Variants in PYGO1 observed in about 807,000 individuals in gnomAD.
The protein encoded by PYGO1 is pygopus homolog 1.
A neutral mutation model predicts 29.5 loss-of-function variants in PYGO1; 6 were observed. That is an observed-to-expected ratio of 0.20 (90% CI 0.11 to 0.40). The LOEUF (loss-of-function observed/expected upper bound fraction) is 0.40, where lower values mean the gene tolerates loss of function less well. Among genes scored for constraint, PYGO1 ranks in the 10% least tolerant of loss-of-function variants. PYGO1 has a pLI of 1.00. For synonymous variants in PYGO1, 186 were observed against 180.5 expected (o/e 1.03, Z -0.24); for missense variants, 515 against 514.9 (o/e 1.00, Z 0.00).
intron 1 of PYGO1, among the ~76,000 whole-genome samples, chr15:55,583,433 GTCTT>G (rs1267979197): frequency 2.2e-4 from 33 of 147,724 alleles, no homozygotes; most frequent in South Asian, 1.1e-3. Context: ...TATTTGCTAT[GTCTT>G]TCTGTCTACC....
intron 1 of PYGO1, among the ~76,000 whole-genome samples, chr15:55,574,746 ATT>A (rs1196136054): frequency 2.0e-5 from 3 of 152,086 alleles, no homozygotes; most frequent in African/African-American, 7.2e-5. Context: ...AATGTCATTT[ATT>A]TTTTATCTAC....
intron 1 of PYGO1, among the ~76,000 whole-genome samples, chr15:55,569,231 GTGTT>G (rs759739986): frequency 6.6e-5 from 10 of 151,962 alleles, no homozygotes; most frequent in African/African-American, 9.6e-5. Context: ...TGATCCTAGG[GTGTT>G]TGTTTGTTTC....
At chr15:55,553,307 T>G (rs2058888287) in intron 1 of PYGO1, among the ~76,000 whole-genome samples, 1 of 152,132 alleles carries the variant, frequency 6.6e-6, no homozygotes, top group African/African-American at 2.4e-5. Flanking sequence ...CTTTCCTGCC[T>G]GCTGGCTCTG....
At chr15:55,565,191 T>C (rs2058949917) in intron 1 of PYGO1, among the ~76,000 whole-genome samples, 1 of 152,054 alleles carries the variant, frequency 6.6e-6, no homozygotes. Context: ...TTAACATTCA[T>C]GAAATTCACA....
chr15:55,581,909 C>G (rs2059026370), intron 1 of PYGO1, among the ~76,000 whole-genome samples: 1 of 151,906 alleles, frequency 6.6e-6, no homozygotes, highest in South Asian at 2.1e-4. Context: ...TCAATGGGTT[C>G]AAAACATTAA....
rs1242309743 is a variant in PYGO1 at position 55,543,245 on chromosome 15, T to A, written c.*2778A>T. On this transcript the variant is annotated 3_prime_UTR_variant, in exon 3 of 3. Coordinates refer to ENST00000563719, the MANE Select transcript of PYGO1 (RefSeq NM_001367806.1). ...AGCCATTTCAGTTTGTATAATAGCC[T>A]TCTTCAGACAAATTATCATCTGGCT... 1 of 152,238 alleles carries A rather than the reference T, an allele frequency of 6.6e-6. No individual in the cohort carries two copies. The allele number at this position is 152,238 out of a possible 1,614,324, so 9.4% of individuals were successfully genotyped here.
chr15:55,584,325 G>A (rs904632245), intron 1 of PYGO1, among the ~76,000 whole-genome samples: 41 of 152,016 alleles, frequency 2.7e-4, no homozygotes, highest in African/African-American at 9.4e-4. Flanking sequence ...CGTCCAGGCT[G>A]TTCTTAAACT....
intron 1 of PYGO1, among the ~76,000 whole-genome samples, chr15:55,569,444 T>C: frequency 6.6e-6 from 1 of 152,228 alleles, no homozygotes; most frequent in East Asian, 1.9e-4. Context: ...CTTTTAATAC[T>C]GTTGCCACTG....
intron 1 of PYGO1, among the ~76,000 whole-genome samples, chr15:55,584,997 T>C (rs1200346172): frequency 6.6e-6 from 1 of 152,180 alleles, no homozygotes; most frequent in Non-Finnish European, 1.5e-5. Flanking sequence ...ATCCCAGAAG[T>C]CCTGATTCCG....
chr15:55,560,543 T>C (rs2141658606), intron 1 of PYGO1, among the ~76,000 whole-genome samples: 1 of 152,188 alleles, frequency 6.6e-6, no homozygotes. Context: ...CACAAACAAA[T>C]GGAAAAACAT....
intron 1 of PYGO1, among the ~76,000 whole-genome samples, chr15:55,550,460 C>T (rs1336743247): frequency 1.3e-5 from 2 of 152,110 alleles, no homozygotes; most frequent in Non-Finnish European, 2.9e-5. Flanking sequence ...ACTGGTAGTC[C>T]ATCACACTCC....
intron 1 of PYGO1, among the ~76,000 whole-genome samples, chr15:55,574,029 T>G (rs1422431805): frequency 1.3e-5 from 2 of 152,232 alleles, no homozygotes; most frequent in African/African-American, 4.8e-5. Context: ...CTTTTTCTGG[T>G]AACGTCATGG....
chr15:55,587,864 T>C lies in PYGO1; in HGVS notation c.20A>G (p.Lys7Arg). Reference protein sequence around the residue: MSAEQEKDPISLKRVRG... With the variant: MSAEQERDPISLKRVRG... ...AACTCTCTTCAGCGAAATGGGATCCTTCTCCTGTTCTGCTGACATTACAGA... is the reference window on the plus strand; with the variant it reads ...AACTCTCTTCAGCGAAATGGGATCCCTCTCCTGTTCTGCTGACATTACAGA... Residue 7 changes from lysine to arginine, a missense_variant, in exon 1 of 3, where the codon AAG (lysine) becomes AGG (arginine). Physicochemically the swap from Lys to Arg is conservative, Grantham distance 26. Transcript: ENST00000563719. 2 of 1,493,050 alleles carry C rather than the reference T, an allele frequency of 1.3e-6. No homozygotes were observed. The highest frequency in any genetic ancestry group is 2.8e-5 in the East Asian group (1 of 36,280). 92.5% of individuals were successfully genotyped at this position (1,493,050 alleles called of 1,614,324 possible).
chr15:55,556,703 T>C (rs1371801892), intron 1 of PYGO1, among the ~76,000 whole-genome samples: 3 of 148,012 alleles, frequency 2.0e-5, no homozygotes, highest in Non-Finnish European at 4.5e-5. Flanking sequence ...AAAAAATCAA[T>C]AAAGCCAGGT....
intron 1 of PYGO1, among the ~76,000 whole-genome samples, chr15:55,584,906 T>C (rs2059040220): frequency 6.6e-6 from 1 of 152,184 alleles, no homozygotes; most frequent in Non-Finnish European, 1.5e-5. Flanking sequence ...TCTAGGTCTA[T>C]TAGTGGCATT....
rs750628238 is a variant in PYGO1, at chr15:55,539,129, A to C, written c.*6894T>G. On this transcript the variant is annotated 3_prime_UTR_variant, in exon 3 of 3. Transcript: ENST00000563719. ...CAGCAGAACGTCTACTTGTCTTCTT[A>C]CTTATCTATAGAATAAAAAAACTAA... 6.6e-6 allele frequency: 1 copy of C among 152,204 alleles called. No homozygotes were observed. Among genetic ancestry groups the C allele is most frequent in the Non-Finnish European group, 1.5e-5 (1 of 68,028 alleles). 9.4% of individuals were successfully genotyped at this position (152,204 alleles called of 1,614,324 possible). A position where few individuals can be genotyped will look rare whatever the true frequency, so the allele number is the denominator to read the frequency against.
rs918828781 is a variant in PYGO1 at position 55,551,474 on chromosome 15, C to A, written c.50-2479G>T. Reference sequence around the variant, plus strand: ...ACAATGATATCACAAGGGGAAAAAACCAAAAAACCACAGACTAACACCTCC... The same window carrying A: ...ACAATGATATCACAAGGGGAAAAAAACAAAAAACCACAGACTAACACCTCC... On this transcript the variant is annotated intron_variant, in intron 1 of 2. Transcript: ENST00000563719. 4.0e-4 allele frequency among the ~76,000 whole-genome samples: 61 copies of A among 152,076 alleles called. 1 individual carries two copies. In the East Asian group the frequency reaches 4.6e-3, roughly 12 times the overall value.
chr15:55,577,765 C>CTA (rs2059009403), intron 1 of PYGO1, among the ~76,000 whole-genome samples: 2 of 120,754 alleles, frequency 1.7e-5, no homozygotes, highest in South Asian at 2.8e-4. Flanking sequence ...TACTAATCTA[C>CTA]TTTTTTTTTT....
rs181448671 is a variant in PYGO1 at position 55,539,833 on chromosome 15, C to T, written c.*6190G>A. The T allele has an allele frequency of 1.2e-3, 187 of 152,110 alleles. 1 individual carries two copies. Among genetic ancestry groups the T allele is most frequent in the African/African-American group, 4.2e-3 (176 of 41,522 alleles). The allele number at this position is 152,110 out of a possible 1,614,324, so 9.4% of individuals were successfully genotyped here. ...TGATGCAGTATAGAGATATCATTAA[C>T]ATAACATAGGTAGACATTTTGTAAT... On this transcript the variant is annotated 3_prime_UTR_variant, in exon 3 of 3. Coordinates refer to ENST00000563719, the MANE Select transcript of PYGO1 (RefSeq NM_001367806.1).
Sources: allele counts gnomAD v4.1 joint callset (sites outside exome capture counted in the v4.1 genomes callset), GRCh38; gene constraint gnomAD v4.1.1; transcripts MANE v1.5; gene names NCBI Gene and HGNC (gene_info 2026-07-23, HGNC 2026-07-21).